SHISA3: variants seen among roughly 807,000 people sequenced by gnomAD.
SHISA3 encodes protein shisa-3 homolog.
SHISA3 carries 15 observed loss-of-function variants against 19.2 expected under a neutral mutation model. The ratio of observed to expected loss-of-function variants is 0.78; its 90% CI spans 0.52 to 1.20. The LOEUF is 1.20. Among genes scored for constraint, SHISA3 ranks in the 50% most tolerant of loss-of-function variants. SHISA3 has a pLI of 0.00. For synonymous variants in SHISA3, 145 were observed against 135.2 expected, an observed-to-expected ratio of 1.07 and a Z score of -0.50; for missense variants, 327 against 315.7, an observed-to-expected ratio of 1.04 and a Z score of -0.27.
rs780772335 is a variant in SHISA3, at chr4:42,398,341, C to A, written c.277+8C>A. The stretch of plus-strand genomic sequence containing the variant: ...ACCCAGGCATCACTGCGCGTAAGTG[C>A]GGGGCCCTCGGGGACATATCCCCGC... On this transcript the variant is annotated splice_region_variant and intron_variant, in intron 1 of 1. Coordinates refer to ENST00000319234, the MANE Select transcript of SHISA3 (RefSeq NM_001080505.3). The A allele has an allele frequency of 6.5e-6, 10 of 1,530,276 alleles. No individual in the cohort carries two copies. The highest frequency in any genetic ancestry group is 7.9e-6 in the Non-Finnish European group (9 of 1,140,704). 94.8% of individuals were successfully genotyped at this position (1,530,276 alleles called of 1,614,324 possible).
chr4:42,399,136 T>G (rs1440352684), intron 1 of SHISA3, among the ~76,000 whole-genome samples: 2 of 152,076 alleles, frequency 1.3e-5, no homozygotes, highest in African/African-American at 4.8e-5. Context: ...GGGAAACGCT[T>G]TAGAGCTTGA....
chr4:42,400,188 A>G (rs1218074874), intron 1 of SHISA3, among the ~76,000 whole-genome samples: 1 of 152,220 alleles, frequency 6.6e-6, no homozygotes, highest in Non-Finnish European at 1.5e-5. Context: ...GAACTGCCCA[A>G]GGGGATGCCT....
At position 42,402,466 on chromosome 4, in the gene SHISA3, C is replaced by G. The variant is rs559062406; in HGVS notation, c.*1015C>G. On this transcript the variant is annotated 3_prime_UTR_variant, in exon 2 of 2. Transcript: ENST00000319234. Reference sequence around the variant, plus strand: ...TTGTTGGATTAGAATAAATAAAACACTTTATATTTTCATGAACTCTATTTA... The same window carrying G: ...TTGTTGGATTAGAATAAATAAAACAGTTTATATTTTCATGAACTCTATTTA... 1.3e-5 allele frequency: 2 copies of G among 152,018 alleles called. No individual in the cohort carries two copies. The highest frequency in any genetic ancestry group is 4.2e-4 in the South Asian group (2 of 4,810). 9.4% of individuals were successfully genotyped at this position (152,018 alleles called of 1,614,324 possible).
chr4:42,400,872 T>G, intron 1 of SHISA3, 140 bp from the exon 2 acceptor site: 1 of 815,332 alleles, frequency 1.2e-6, no homozygotes, highest in Non-Finnish European at 2.0e-6. Context: ...AGGTTACCAT[T>G]AACAAGCTCT....
Position 42,401,665 on chromosome 4 carries a change from T to G in SHISA3, c.*214T>G, listed in dbSNP as rs1711928600. 1 of 530,120 alleles carries G rather than the reference T, an allele frequency of 1.9e-6. No homozygotes were observed. The highest frequency in any genetic ancestry group is 3.2e-6 in the Non-Finnish European group (1 of 307,800). The allele number at this position is 530,120 out of a possible 1,614,324, so 32.8% of individuals were successfully genotyped here. On this transcript the variant is annotated 3_prime_UTR_variant, in exon 2 of 2. Transcript: ENST00000319234. ...GAACTGTTTTCTGGTTTTGCAAACA[T>G]GTGATCATTACATTTCAATCTATGC...
chr4:42,399,234 G>A (rs1033111867), intron 1 of SHISA3, among the ~76,000 whole-genome samples: 10 of 152,168 alleles, frequency 6.6e-5, no homozygotes, highest in Non-Finnish European at 1.2e-4. Flanking sequence ...CCGAGGTCTG[G>A]AGCCCGCAAG....
In SHISA3 at chr4:42,398,314, G is replaced by T; in HGVS notation, c.258G>T (p.Glu86Asp). 6.4e-7 allele frequency: 1 copy of T among 1,558,706 alleles called. No homozygotes were observed. Among genetic ancestry groups the T allele is most frequent in the African/African-American group, 1.4e-5 (1 of 73,664 alleles). The change falls in exon 1 of 2, where the codon GAG (glutamate) becomes GAT (aspartate). Residue 86 changes from glutamate (E) to aspartate (D), a missense_variant. Glu to Asp is a conservative substitution (Grantham distance 45). Coordinates refer to ENST00000319234, the MANE Select transcript of SHISA3 (RefSeq NM_001080505.3). The stretch of plus-strand genomic sequence containing the variant: ...GCACCAACGACCGCCGCGAACTGGA[G>T]CACCCAGGCATCACTGCGCGTAAGT... ...GGCTNDRREL[E>D]HPGITAQPVY...
At chr4:42,398,443 T>G (rs1577867023) in intron 1 of SHISA3, 110 bp downstream of exon 1, 3 of 1,196,478 alleles carry the variant, frequency 2.5e-6, no homozygotes, top group Non-Finnish European at 3.4e-6. Context: ...TTCCTGGGTC[T>G]GTGCGCCAGG....
rs1577868393 is a variant in SHISA3, at chr4:42,401,213, G to A, written c.479G>A (p.Arg160Gln). Residue 160 changes from arginine (R) to glutamine (Q), a missense_variant, in exon 2 of 2, where the codon CGG becomes CAG. Coordinates refer to ENST00000319234, the MANE Select transcript of SHISA3 (RefSeq NM_001080505.3). Reference protein sequence around the residue: ...LTSTSPRAPSRQSSTATSSSS... With the variant: ...LTSTSPRAPSQQSSTATSSSS... ...TCCACCAGCCCCAGGGCACCCTCCC[G>A]GCAGTCCAGCACAGCCACGAGCTCC... 2 of 1,614,120 alleles carry A rather than the reference G, an allele frequency of 1.2e-6. No individual in the cohort carries two copies. Among genetic ancestry groups the A allele is most frequent in the Non-Finnish European group, 1.7e-6 (2 of 1,180,008 alleles).
chr4:42,398,469 G>C, intron 1 of SHISA3, 136 bp downstream of exon 1: 4 of 987,182 alleles, frequency 4.1e-6, no homozygotes, highest in Admixed American at 5.9e-5. Context: ...GCGGCCGGGT[G>C]GGGGAATCAA....
chr4:42,398,441 T>A, intron 1 of SHISA3, 108 bp downstream of exon 1: 1 of 1,237,458 alleles, frequency 8.1e-7, no homozygotes, highest in Non-Finnish European at 1.1e-6. Context: ...CCTTCCTGGG[T>A]CTGTGCGCCA....
At position 42,397,748 on chromosome 4, in the gene SHISA3, G is replaced by C. The variant is rs964980331; in HGVS notation, c.-309G>C. On this transcript the variant is annotated 5_prime_UTR_variant, in exon 1 of 2. Transcript: ENST00000319234. ...CGGGGGGTTGGCGCGCCCCTCGCGC[G>C]GGGAGCGCTATGAGCCGGGCGAAGG... The C allele has an allele frequency of 9.0e-6, 3 of 334,366 alleles. No homozygotes were observed. The highest frequency in any genetic ancestry group is 2.2e-5 in the African/African-American group (1 of 46,426). 20.7% of individuals were successfully genotyped at this position (334,366 alleles called of 1,614,324 possible). A position where few individuals can be genotyped will look rare whatever the true frequency, so the allele number is the denominator to read the frequency against.
At chr4:42,399,285 T>C (rs996840086) in intron 1 of SHISA3, among the ~76,000 whole-genome samples, 1 of 152,004 alleles carries the variant, frequency 6.6e-6, no homozygotes, top group Admixed American at 6.6e-5. Flanking sequence ...GGAGAGATCA[T>C]TAAGGGTTCC....
chr4:42,400,796 C>G (rs1216308373), intron 1 of SHISA3, among the ~76,000 whole-genome samples: 4 of 152,040 alleles, frequency 2.6e-5, no homozygotes, highest in Admixed American at 2.6e-4. Context: ...CTACGGTATC[C>G]GTTTGCTTCC....
chr4:42,399,844 C>A (rs555594355), intron 1 of SHISA3, among the ~76,000 whole-genome samples: 1 of 152,344 alleles, frequency 6.6e-6, no homozygotes, highest in South Asian at 2.1e-4. Context: ...TAGTTACTTA[C>A]CTTTGCCTTG....
At position 42,401,187 on chromosome 4, in the gene SHISA3, C is replaced by T. The variant is rs144224902; in HGVS notation, c.453C>T (p.Thr151=). 30 of 1,614,108 alleles carry T rather than the reference C, an allele frequency of 1.9e-5. No homozygotes were observed. In the African/African-American group the frequency reaches 3.2e-4, roughly 17 times the overall value. ...YQTETLPMIL[T]STSPRAPSRQ... is the part of the protein sequence containing the mutation. ...CAGAGACCCTGCCCATGATCCTGAC[C>T]TCCACCAGCCCCAGGGCACCCTCCC... Residue 151 remains threonine, a synonymous_variant, in exon 2 of 2, where the codon ACC becomes ACT. Coordinates refer to ENST00000319234, the MANE Select transcript of SHISA3 (RefSeq NM_001080505.3).
intron 1 of SHISA3, among the ~76,000 whole-genome samples, chr4:42,399,175 G>C (rs1711836599): frequency 6.6e-6 from 1 of 152,200 alleles, no homozygotes; most frequent in African/African-American, 2.4e-5. Context: ...AGGGAAACCG[G>C]AGAAGCGGGC....
intron 1 of SHISA3, among the ~76,000 whole-genome samples, chr4:42,398,960 G>C (rs1401069528): frequency 6.6e-6 from 1 of 152,098 alleles, no homozygotes; most frequent in Non-Finnish European, 1.5e-5. Context: ...CCAGGTCTTC[G>C]AGGTGGAGAT....
In SHISA3 at chr4:42,401,569, G is replaced by T; in HGVS notation, c.*118G>T. ...TGTAACTGATCAGTGTCATGGAGGA[G>T]CATGCTAGGAAAACACAGCACCTTC... On this transcript the variant is annotated 3_prime_UTR_variant, in exon 2 of 2. Coordinates refer to ENST00000319234, the MANE Select transcript of SHISA3 (RefSeq NM_001080505.3). 3.6e-6 allele frequency: 4 copies of T among 1,111,586 alleles called. No homozygotes were observed. Among genetic ancestry groups the T allele is most frequent in the Non-Finnish European group, 5.1e-6 (4 of 789,182 alleles). The allele number at this position is 1,111,586 out of a possible 1,614,324, so 68.9% of individuals were successfully genotyped here.
Sources: gnomAD v4.1 joint callset for allele counts (sites outside exome capture counted in the v4.1 genomes callset) on GRCh38, gnomAD v4.1.1 for gene constraint, MANE v1.5 for transcripts, NCBI Gene and HGNC (gene_info 2026-07-23, HGNC 2026-07-21) for gene names.